The following SERPINI2 variants were observed in gnomAD, a reference collection of about 807,000 sequenced individuals.
SERPINI2 encodes serpin family I member 2.
In SERPINI2, 48 loss-of-function variants were observed where a neutral mutation model predicts 47.3. The ratio of observed to expected loss-of-function variants is 1.02; its 90% CI spans 0.81 to 1.29. The LOEUF (loss-of-function observed/expected upper bound fraction) is 1.29. Ranked by LOEUF, SERPINI2 falls within the 50% of genes most tolerant of loss-of-function variation. The pLI is 0.00. For synonymous variants in SERPINI2, 135 were observed against 149.3 expected (o/e 0.90, Z 0.70); for missense variants, 448 against 456.9 (o/e 0.98, Z 0.18).
upstream of SERPINI2, chr3:167,474,138 A>G (rs1433831173): frequency 2.0e-5 from 20 of 992,534 alleles, no homozygotes; most frequent in Non-Finnish European, 2.4e-5. Context: ...TTCCTCTAGA[A>G]CAAAAGCAGG....
At chr3:167,453,811 C>A (rs1236197827) in intron 5 of SERPINI2, among the ~76,000 whole-genome samples, 1 of 151,918 alleles carries the variant, frequency 6.6e-6, no homozygotes, top group Non-Finnish European at 1.5e-5. Flanking sequence ...ATTTTCTCAG[C>A]CACTGATCTT....
chr3:167,473,865 G>T (rs1043393141), intron 1 of SERPINI2, 138 bp downstream of exon 1: 36 of 1,209,782 alleles, frequency 3.0e-5, no homozygotes, highest in Non-Finnish European at 3.7e-5. Context: ...GAATAAAAGC[G>T]ATATGTTAAT....
At chr3:167,446,767 A>C (rs1749491973) in intron 7 of SERPINI2, 1 of 198,900 alleles carries the variant, frequency 5.0e-6, no homozygotes, top group South Asian at 1.5e-4. Flanking sequence ...AGTTGAAAAA[A>C]TTTATCTTTT....
intron 6 of SERPINI2, among the ~76,000 whole-genome samples, chr3:167,452,310 T>A (rs75792254): frequency 0.058 from 8,803 of 152,218 alleles, 807 homozygotes; most frequent in African/African-American, 0.2. Flanking sequence ...TGAACTAGTG[T>A]GTACCACTGA....
rs902014581 is a variant in SERPINI2, at chr3:167,459,681, G to T, written c.866+5525C>A. ...TTAAATATAAACATTCTTATGGGTG[G>T]TTTTTTTTTTTTTTTGGCATATACT... On this transcript the variant is annotated intron_variant, in intron 5 of 8. Coordinates refer to ENST00000264677, the Ensembl canonical transcript of SERPINI2. 3.2e-3 allele frequency among the ~76,000 whole-genome samples: 344 copies of T among 107,972 alleles called. 2 individuals are homozygous for T. The highest frequency in any genetic ancestry group is 0.01 in the Middle Eastern group (2 of 200). 70.8% of individuals were successfully genotyped at this position (107,972 alleles called of 152,430 possible).
chr3:167,471,707 T>C (rs2108174754), exon 2 of SERPINI2: 2 of 1,613,604 alleles, frequency 1.2e-6, no homozygotes, highest in African/African-American at 1.3e-5. Context: ...TATAATGTTG[T>C]CCTTATGAGA....
intron 7 of SERPINI2, among the ~76,000 whole-genome samples, chr3:167,448,422 C>T (rs567827351): frequency 6.6e-6 from 1 of 152,332 alleles, no homozygotes; most frequent in South Asian, 2.1e-4. Context: ...ATTGATATCA[C>T]TTAGGAAAAC....
chr3:167,471,986 A>G, intron 1 of SERPINI2, 142 bp from the exon 2 acceptor site: 3 of 596,608 alleles, frequency 5.0e-6, no homozygotes, highest in South Asian at 2.4e-5. Context: ...TTAGATTTCT[A>G]AGTATCATCT....
At position 167,459,606 on chromosome 3, in the gene SERPINI2, G is replaced by A. The variant is rs960500448; in HGVS notation, c.866+5600C>T. ...GAGGGAAAGGAGAAGTATTTCTTAA[G>A]CAGTAACTATAATCTAAATAGTCAC... On this transcript the variant is annotated intron_variant, in intron 5 of 8. Coordinates refer to ENST00000264677, the Ensembl canonical transcript of SERPINI2. 2.0e-5 allele frequency among the ~76,000 whole-genome samples: 3 copies of A among 151,208 alleles called. No homozygotes were observed. The East Asian group carries it at 5.8e-4, about 29-fold the overall frequency.
intron 5 of SERPINI2, among the ~76,000 whole-genome samples, chr3:167,458,479 G>A (rs1279536715): frequency 6.7e-6 from 1 of 150,280 alleles, no homozygotes; most frequent in African/African-American, 2.5e-5. Flanking sequence ...AGCCAGGATG[G>A]TCTCGATCTC....
At chr3:167,474,519 A>G (rs1750436355), upstream of SERPINI2, among the ~76,000 whole-genome samples, 2 of 151,740 alleles carry the variant, frequency 1.3e-5, no homozygotes, top group South Asian at 4.1e-4. Context: ...ATTATACAAT[A>G]GTCAGAGGAG....
At chr3:167,452,914 T>G (rs1415867997) in intron 6 of SERPINI2, 22 bp downstream of exon 6, 1 of 1,431,990 alleles carries the variant, frequency 7.0e-7, no homozygotes, top group Non-Finnish European at 9.7e-7. Context: ...CATCATAATA[T>G]AAGAATTATT....
At chr3:167,475,326 T>C (rs1031832589), upstream of SERPINI2, among the ~76,000 whole-genome samples, 4 of 151,810 alleles carry the variant, frequency 2.6e-5, no homozygotes, top group Non-Finnish European at 5.9e-5. Flanking sequence ...ATTCAATCAA[T>C]GCTTTTCTAC....
intron 8 of SERPINI2, among the ~76,000 whole-genome samples, chr3:167,445,439 G>A (rs1384920916): frequency 6.6e-6 from 1 of 152,142 alleles, no homozygotes; most frequent in East Asian, 1.9e-4. Context: ...TCTATGAGAT[G>A]AGCACTACTA....
In SERPINI2 at chr3:167,446,463, A is replaced by C. The variant is rs61754493; in HGVS notation, c.1070T>G (p.Ile357Ser). The C allele has an allele frequency of 5.6e-6, 9 of 1,605,064 alleles. No individual in the cohort carries two copies. In the East Asian group the frequency reaches 1.8e-4, roughly 32 times the overall value. ...AAATTGGCTTTGAGCCAGACTCATG[A>C]TCACAGGGATGTGTATGCCTATAAA... The change falls in exon 8 of 9, where the codon ATC (isoleucine) becomes AGC (serine). Residue 357 changes from isoleucine to serine, a missense_variant. Coordinates refer to ENST00000264677, the Ensembl canonical transcript of SERPINI2.
chr3:167,453,105 A>T (rs1749688214), intron 5 of SERPINI2, 72 bp from the exon 6 acceptor site: 3 of 757,832 alleles, frequency 4.0e-6, no homozygotes, highest in Non-Finnish European at 6.6e-6. Flanking sequence ...TTTTTAATGG[A>T]TGACTTAGAG....
exon 7 of SERPINI2, chr3:167,449,389 C>T: frequency 6.2e-7 from 1 of 1,608,814 alleles, no homozygotes; most frequent in Non-Finnish European, 8.5e-7. Context: ...GGGAAACATA[C>T]ACTTCAGATG....
exon 3 of SERPINI2, chr3:167,467,277 ATTC>A (rs1333906034): frequency 2.1e-5 from 33 of 1,606,206 alleles, no homozygotes; most frequent in Non-Finnish European, 2.8e-5. Context: ...AGTACAAAAA[ATTC>A]TTCCCCTAGA....
chr3:167,474,477 G>T (rs560239446), upstream of SERPINI2, among the ~76,000 whole-genome samples: 1 of 151,812 alleles, frequency 6.6e-6, no homozygotes, highest in South Asian at 2.1e-4. Context: ...ACAAATCACT[G>T]CTGCATTGAC....
Sources: gnomAD v4.1 joint callset for allele counts (sites outside exome capture counted in the v4.1 genomes callset) on GRCh38, gnomAD v4.1.1 for gene constraint, MANE v1.5 for transcripts, NCBI Gene and HGNC (gene_info 2026-07-23, HGNC 2026-07-21) for gene names.